ITGA6: variants seen among roughly 807,000 people sequenced by gnomAD.
The protein encoded by ITGA6 is integrin subunit alpha 6.
Under a neutral mutation model 133.6 loss-of-function variants are expected in ITGA6, and 63 were observed. The ratio of observed to expected loss-of-function variants is 0.47; its 90% CI spans 0.38 to 0.58. The LOEUF (loss-of-function observed/expected upper bound fraction) is 0.58, where lower values mean the gene tolerates loss of function less well. Ranked by LOEUF, ITGA6 falls within the 20% of genes least tolerant of loss-of-function variation. The pLI is 0.00. For missense variants in ITGA6, 1,068 were observed against 1,309.4 expected, an observed-to-expected ratio of 0.82 and a Z score of 2.85; for synonymous variants, 434 against 482.0, an observed-to-expected ratio of 0.90 and a Z score of 1.30.
chr2:172,465,715 T>C lies in ITGA6; in HGVS notation c.307+52T>C, dbSNP rs573718225. ...TCACTCCGGCAGCTTGCCTGTACTG[T>C]TTCCATGAGGGAGGAGAGTGGGGAC... On this transcript the variant is annotated intron_variant, in intron 2 of 25. Transcript: ENST00000684293. The C allele has an allele frequency of 1.2e-5, 20 of 1,612,966 alleles. No homozygotes were observed. The African/African-American group carries it at 2.4e-4, about 19-fold the overall frequency.
At chr2:172,428,035 C>T (rs1332671799) in intron 1 of ITGA6, 65 bp downstream of exon 1, 10 of 1,531,890 alleles carry the variant, frequency 6.5e-6, no homozygotes, top group African/African-American at 1.4e-5. Flanking sequence ...GAGGCGAGGG[C>T]GCGCCCTGTT....
At chr2:172,449,990 G>A (rs1684920726) in intron 1 of ITGA6, among the ~76,000 whole-genome samples, 1 of 151,438 alleles carries the variant, frequency 6.6e-6, no homozygotes, top group Non-Finnish European at 1.5e-5. Flanking sequence ...TGTGAAGGAT[G>A]CAACCAGCGA....
chr2:172,498,223 C>T (rs1248748707), intron 24 of ITGA6, 123 bp downstream of exon 24: 1 of 1,008,948 alleles, frequency 9.9e-7, no homozygotes, highest in East Asian at 2.6e-5. Context: ...TTATGAAACT[C>T]TTTTGACATA....
intron 1 of ITGA6, among the ~76,000 whole-genome samples, chr2:172,459,731 A>G (rs1685354950): frequency 6.6e-6 from 1 of 152,222 alleles, no homozygotes; most frequent in Non-Finnish European, 1.5e-5. Flanking sequence ...AGTATTTAAG[A>G]AAGTAATTCA....
intron 1 of ITGA6, among the ~76,000 whole-genome samples, chr2:172,447,006 T>A (rs1684794905): frequency 6.6e-6 from 1 of 152,094 alleles, no homozygotes; most frequent in Non-Finnish European, 1.5e-5. Context: ...CAAGCGATTC[T>A]TGTGCCTTGG....
At position 172,488,864 on chromosome 2, in the gene ITGA6, G is replaced by T. The variant is rs151259602; in HGVS notation, c.2506-621G>T. 1.5e-3 allele frequency among the ~76,000 whole-genome samples: 228 copies of T among 152,254 alleles called. 1 individual carries two copies. Among genetic ancestry groups the T allele is most frequent in the African/African-American group, 4.5e-3 (188 of 41,550 alleles). Reference sequence around the variant, plus strand: ...CATTATAGACACAGCTGGGGCAGGTGGTGGTGGTGGTTATGATCTCTATGC... The same window carrying T: ...CATTATAGACACAGCTGGGGCAGGTTGTGGTGGTGGTTATGATCTCTATGC... On this transcript the variant is annotated intron_variant, in intron 19 of 25. Coordinates refer to ENST00000684293, the MANE Select transcript of ITGA6 (RefSeq NM_000210.4).
intron 9 of ITGA6, among the ~76,000 whole-genome samples, chr2:172,477,194 G>A (rs558908176): frequency 2.2e-4 from 34 of 151,832 alleles, no homozygotes; most frequent in Non-Finnish European, 4.0e-4. Context: ...ATAAATTCCT[G>A]GATGTGAAAT....
At chr2:172,455,243 C>G (rs899767650) in intron 1 of ITGA6, among the ~76,000 whole-genome samples, 2 of 152,240 alleles carry the variant, frequency 1.3e-5, no homozygotes, top group Admixed American at 6.5e-5. Flanking sequence ...GGTGTTACCA[C>G]CAAGTCACTT....
rs1000130457 is a variant in ITGA6, at chr2:172,484,763, T to C, written c.1550-19T>C. The C allele has an allele frequency of 8.1e-6, 13 of 1,609,804 alleles. No individual in the cohort carries two copies. Among genetic ancestry groups the C allele is most frequent in the Non-Finnish European group, 9.4e-6 (11 of 1,176,346 alleles). On this transcript the variant is annotated intron_variant, in intron 11 of 25. Transcript: ENST00000684293. ...GTGCATGAATGCACTTACGTTAATA[T>C]GATTTTAATTTTATCTAGCAATTGT...
rs71403305 is a variant in ITGA6, at chr2:172,457,295, CA to C, written c.183-8224del. Reference sequence around the variant, plus strand: ...GGGTGACAGAGCGAGATTCTGTCTCCAAAAAAAAAAAAAAAAAAAAGAAGCA... The same window carrying C: ...GGGTGACAGAGCGAGATTCTGTCTCCAAAAAAAAAAAAAAAAAAAGAAGCA... On this transcript the variant is annotated intron_variant, in intron 1 of 25. Transcript: ENST00000684293. Among the ~76,000 whole-genome samples, 408 of 79,314 alleles carry C rather than the reference CA, an allele frequency of 5.1e-3. 3 individuals carry two copies. The highest frequency in any genetic ancestry group is 0.041 in the Admixed American group (278 of 6,826). 52.0% of individuals were successfully genotyped at this position (79,314 alleles called of 152,430 possible). A position where few individuals can be genotyped will look rare whatever the true frequency, so the allele number is the denominator to read the frequency against.
chr2:172,477,633 C>T (rs1234326368), intron 9 of ITGA6, among the ~76,000 whole-genome samples: 1 of 152,184 alleles, frequency 6.6e-6, no homozygotes, highest in Non-Finnish European at 1.5e-5. Context: ...ATTTTAATAT[C>T]CTTACTTTCC....
chr2:172,486,172 T>G (rs1478244168), intron 13 of ITGA6, among the ~76,000 whole-genome samples: 5 of 60,264 alleles, frequency 8.3e-5, no homozygotes, highest in Non-Finnish European at 1.4e-4. Flanking sequence ...TAAGACTCTA[T>G]CTCCAAAAAA....
chr2:172,440,143 G>A (rs1394326416), intron 1 of ITGA6, among the ~76,000 whole-genome samples: 2 of 152,160 alleles, frequency 1.3e-5, no homozygotes, highest in East Asian at 1.9e-4. Flanking sequence ...GCTAAATCCC[G>A]TGCATATGGA....
chr2:172,483,863 T>G lies in ITGA6; in HGVS notation c.1550-919T>G, dbSNP rs568924127. ...TTTGCTCTTGTTGCCCAGGCTGGAGTGCAATGGCATGAATTCAGCTCACTG... is the reference window on the plus strand; with the variant it reads ...TTTGCTCTTGTTGCCCAGGCTGGAGGGCAATGGCATGAATTCAGCTCACTG... On this transcript the variant is annotated intron_variant, in intron 11 of 25. Coordinates refer to ENST00000684293, the MANE Select transcript of ITGA6 (RefSeq NM_000210.4). 1.1e-4 allele frequency among the ~76,000 whole-genome samples: 16 copies of G among 152,310 alleles called. No homozygotes were observed. In the South Asian group the frequency reaches 3.1e-3, roughly 30 times the overall value.
chr2:172,476,558 G>C (rs749388101), intron 9 of ITGA6, 45 bp downstream of exon 9: 4 of 1,140,244 alleles, frequency 3.5e-6, no homozygotes, highest in Non-Finnish European at 5.4e-6. Flanking sequence ...CTATAATCAG[G>C]TTATACTAAA....
At chr2:172,465,772 T>A in intron 2 of ITGA6, 109 bp downstream of exon 2, 1 of 1,408,116 alleles carries the variant, frequency 7.1e-7, no homozygotes, top group Non-Finnish European at 1.0e-6. Flanking sequence ...GGACTTCTTT[T>A]AATTGCATCA....
At chr2:172,435,953 G>A (rs934626045) in intron 1 of ITGA6, among the ~76,000 whole-genome samples, 1 of 152,214 alleles carries the variant, frequency 6.6e-6, no homozygotes, top group South Asian at 2.1e-4. Context: ...AAAAGGAAGA[G>A]TTCAAAGAGG....
At chr2:172,433,131 G>A (rs990119552) in intron 1 of ITGA6, among the ~76,000 whole-genome samples, 5 of 152,170 alleles carry the variant, frequency 3.3e-5, no homozygotes, top group African/African-American at 1.2e-4. Flanking sequence ...AGTGGACGTA[G>A]TCTCAGCCCC....
At position 172,465,630 on chromosome 2, in the gene ITGA6, G is replaced by C. The variant is rs918959143; in HGVS notation, c.274G>C (p.Gly92Arg). The C allele has an allele frequency of 6.2e-7, 1 of 1,614,216 alleles. No homozygotes were observed. The highest frequency in any genetic ancestry group is 1.7e-5 in the Admixed American group (1 of 60,026). Residue 92 changes from glycine (G) to arginine (R), a missense_variant, in exon 2 of 26, where the codon GGG becomes CGG. Physicochemically the swap from Gly to Arg is moderately radical, Grantham distance 125. Transcript: ENST00000684293. ...GTACAGCTGCGACATCACCGCCCGGGGGCCATGCACGCGGATCGAGTTTGA... is the reference window on the plus strand; with the variant it reads ...GTACAGCTGCGACATCACCGCCCGGCGGCCATGCACGCGGATCGAGTTTGA... ...GLYSCDITARGPCTRIEFDND... is the reference protein window; with the variant it reads ...GLYSCDITARRPCTRIEFDND...
Sources: gnomAD v4.1 joint callset for allele counts (sites outside exome capture counted in the v4.1 genomes callset) on GRCh38, gnomAD v4.1.1 for gene constraint, MANE v1.5 for transcripts, NCBI Gene and HGNC (gene_info 2026-07-23, HGNC 2026-07-21) for gene names.